Variants in CTNNA3 observed in about 807,000 individuals in gnomAD.
The protein encoded by CTNNA3 is catenin alpha 3.
A neutral mutation model predicts 95.7 loss-of-function variants in CTNNA3; 76 were observed. The ratio of observed to expected loss-of-function variants is 0.79; its 90% CI spans 0.66 to 0.96. The LOEUF (loss-of-function observed/expected upper bound fraction) is 0.96. Ranked by LOEUF, CTNNA3 falls within the 40% of genes least tolerant of loss-of-function variation. The probability of loss-of-function intolerance (pLI) is 0.00; values close to 1 mark genes in which losing one functional copy is unlikely to be tolerated. For synonymous variants in CTNNA3, 431 were observed against 374.4 expected (o/e 1.15, Z -1.74); for missense variants, 1,191 against 1,089.8 (o/e 1.09, Z -1.31).
chr10:66,354,100 TG>T (rs2092588652), intron 12 of CTNNA3, among the ~76,000 whole-genome samples: 1 of 151,836 alleles, frequency 6.6e-6, no homozygotes, highest in Non-Finnish European at 1.5e-5. Context: ...CTGGCCAACA[TG>T]GCAAAACCCC....
intron 7 of CTNNA3, among the ~76,000 whole-genome samples, chr10:66,988,866 C>G (rs1169267460): frequency 2.6e-5 from 4 of 151,968 alleles, no homozygotes; most frequent in Non-Finnish European, 5.9e-5. Flanking sequence ...TTTCTCTCCA[C>G]CCTACACACA....
At chr10:67,143,628 T>G (rs1464802264) in intron 7 of CTNNA3, among the ~76,000 whole-genome samples, 1 of 152,086 alleles carries the variant, frequency 6.6e-6, no homozygotes, top group Non-Finnish European at 1.5e-5. Context: ...AGAGTTCATC[T>G]CAAGAAACCA....
At chr10:66,110,148 G>T (rs1194167339) in intron 13 of CTNNA3, among the ~76,000 whole-genome samples, 1 of 151,760 alleles carries the variant, frequency 6.6e-6, no homozygotes, top group African/African-American at 2.4e-5. Context: ...ATCACCTGAG[G>T]TCAAGAGTTC....
chr10:67,493,304 TG>T (rs1838916246), intron 5 of CTNNA3, among the ~76,000 whole-genome samples: 2 of 152,038 alleles, frequency 1.3e-5, no homozygotes, highest in Non-Finnish European at 2.9e-5. Context: ...GGCTCACCCC[TG>T]TAATCCCAGC....
rs1338200096 is a variant in CTNNA3, at chr10:66,701,202, T to G, written c.1281+65062A>C. ...CCATGTAGATCTTTATGGACTCTAG[T>G]CATTTCTATTGATCTATTTTTCTGA... On this transcript the variant is annotated intron_variant, in intron 9 of 17. Coordinates refer to ENST00000433211, the MANE Select transcript of CTNNA3 (RefSeq NM_013266.4). Among the ~76,000 whole-genome samples, 7 of 152,068 alleles carry G rather than the reference T, an allele frequency of 4.6e-5. No homozygotes were observed. In the East Asian group the frequency reaches 1.3e-3, roughly 29 times the overall value.
chr10:66,408,591 C>T (rs1419085937), intron 11 of CTNNA3, among the ~76,000 whole-genome samples: 1 of 152,088 alleles, frequency 6.6e-6, no homozygotes, highest in Admixed American at 6.6e-5. Flanking sequence ...ACAAAGTATC[C>T]TACCTAGGTC....
intron 13 of CTNNA3, among the ~76,000 whole-genome samples, chr10:66,224,009 C>A (rs927125984): frequency 1.3e-5 from 2 of 151,976 alleles, no homozygotes; most frequent in South Asian, 4.1e-4. Context: ...CTAGCTTGTG[C>A]AACACAGTGA....
chr10:67,014,289 G>T (rs532445012), intron 7 of CTNNA3, among the ~76,000 whole-genome samples: 31 of 152,192 alleles, frequency 2.0e-4, no homozygotes, highest in African/African-American at 7.0e-4. Flanking sequence ...GTGGTAATAG[G>T]TTTACACAAA....
chr10:66,142,356 C>A (rs2083662353), intron 13 of CTNNA3, among the ~76,000 whole-genome samples: 1 of 152,052 alleles, frequency 6.6e-6, no homozygotes, highest in African/African-American at 2.4e-5. Flanking sequence ...TATTCTATTC[C>A]ATTGATTTAT....
chr10:67,736,327 TA>T (rs1841301922), intron 1 of CTNNA3, among the ~76,000 whole-genome samples: 1 of 152,168 alleles, frequency 6.6e-6, no homozygotes, highest in Non-Finnish European at 1.5e-5. Context: ...TTGGGATGAT[TA>T]AAAAGTTCTG....
At chr10:65,963,202 T>C (rs1480258293) in intron 17 of CTNNA3, among the ~76,000 whole-genome samples, 1 of 152,210 alleles carries the variant, frequency 6.6e-6, no homozygotes, top group Non-Finnish European at 1.5e-5. Flanking sequence ...AAATTATAAA[T>C]GATCCTTTCA....
intron 7 of CTNNA3, among the ~76,000 whole-genome samples, chr10:67,140,418 T>C (rs1228166998): frequency 1.3e-5 from 2 of 152,138 alleles, no homozygotes. Flanking sequence ...AGAAGAAGCA[T>C]TCGATTTATA....
chr10:67,148,853 A>G (rs560488412), intron 7 of CTNNA3, among the ~76,000 whole-genome samples: 1 of 152,324 alleles, frequency 6.6e-6, no homozygotes, highest in South Asian at 2.1e-4. Flanking sequence ...AGCTGTAAGA[A>G]CTGGGTTTGT....
chr10:66,670,148 G>T (rs903872170), intron 9 of CTNNA3, among the ~76,000 whole-genome samples: 1 of 152,008 alleles, frequency 6.6e-6, no homozygotes, highest in African/African-American at 2.4e-5. Context: ...TGTCCACTAT[G>T]GGGGGGATAC....
chr10:66,152,953 CTAATT>C (rs1374291990), intron 13 of CTNNA3, among the ~76,000 whole-genome samples: 1 of 151,900 alleles, frequency 6.6e-6, no homozygotes. Flanking sequence ...ACCTGGGACT[CTAATT>C]AAATATATGT....
At chr10:67,141,901 A>C (rs1860586386) in intron 7 of CTNNA3, among the ~76,000 whole-genome samples, 2 of 152,070 alleles carry the variant, frequency 1.3e-5, no homozygotes, top group African/African-American at 4.8e-5. Flanking sequence ...CCTAGGCCCC[A>C]AGCCAATTTA....
chr10:66,834,156 G>A (rs977251300), intron 7 of CTNNA3, among the ~76,000 whole-genome samples: 6 of 152,110 alleles, frequency 3.9e-5, no homozygotes, highest in South Asian at 2.1e-4. Context: ...GCCTTCTACA[G>A]TTGAGCTAAT....
chr10:65,945,750 A>T (rs2077506434), intron 17 of CTNNA3, among the ~76,000 whole-genome samples: 1 of 152,150 alleles, frequency 6.6e-6, no homozygotes, highest in African/African-American at 2.4e-5. Context: ...TAAAATCAGA[A>T]TAATAATGGG....
intron 14 of CTNNA3, among the ~76,000 whole-genome samples, chr10:66,093,852 A>C (rs12356578): frequency 0.18 from 28,000 of 152,018 alleles, 3,124 homozygotes; most frequent in Admixed American, 0.24. Context: ...TATCTTACAA[A>C]ATAAAGCCTC....
Sources: gnomAD v4.1 joint callset for allele counts (sites outside exome capture counted in the v4.1 genomes callset) on GRCh38, gnomAD v4.1.1 for gene constraint, MANE v1.5 for transcripts, NCBI Gene and HGNC (gene_info 2026-07-23, HGNC 2026-07-21) for gene names.